NTRK3: variants seen among roughly 807,000 people sequenced by gnomAD.
The protein encoded by NTRK3 is neurotrophic receptor tyrosine kinase 3.
A neutral mutation model predicts 91.7 loss-of-function variants in NTRK3; 24 were observed. The observed-to-expected ratio is 0.26, with a 90% CI of 0.19 to 0.37. The LOEUF (loss-of-function observed/expected upper bound fraction) is 0.37, where lower values mean the gene tolerates loss of function less well. Ranked by LOEUF, NTRK3 falls within the 10% of genes least tolerant of loss-of-function variation. The pLI is 1.00. For missense variants in NTRK3, 880 were observed against 1,068.9 expected (o/e 0.82, Z 2.46); for synonymous variants, 483 against 404.0 (o/e 1.20, Z -2.34).
At chr15:88,086,077 G>C (rs975845579) in intron 13 of NTRK3, among the ~76,000 whole-genome samples, 28 of 152,210 alleles carry the variant, frequency 1.8e-4, no homozygotes, top group Non-Finnish European at 2.9e-4. Context: ...GACTTCATAG[G>C]TAGGAGAGGT....
intron 13 of NTRK3, among the ~76,000 whole-genome samples, chr15:88,114,663 C>G (rs908309782): frequency 1.3e-5 from 2 of 152,160 alleles, no homozygotes; most frequent in African/African-American, 4.8e-5. Context: ...GCAAAGGCAA[C>G]AGGGAAACAT....
intron 17 of NTRK3, chr15:87,928,602 C>A: frequency 6.1e-6 from 1 of 163,786 alleles, no homozygotes; most frequent in Non-Finnish European, 1.3e-5. Flanking sequence ...CCTGTCCTCT[C>A]TCCAAAGTTG....
intron 14 of NTRK3, among the ~76,000 whole-genome samples, chr15:88,001,271 C>A (rs546977840): frequency 6.6e-6 from 1 of 152,202 alleles, no homozygotes; most frequent in South Asian, 2.1e-4. Context: ...CAAATATTTT[C>A]TACCATTCAG....
chr15:88,246,768 C>G (rs993308577), intron 3 of NTRK3, among the ~76,000 whole-genome samples: 1 of 152,184 alleles, frequency 6.6e-6, no homozygotes, highest in Non-Finnish European at 1.5e-5. Context: ...AAGTCCGGGT[C>G]CTGGAGTCTC....
chr15:88,109,463 A>G (rs2051084110), intron 13 of NTRK3, among the ~76,000 whole-genome samples: 2 of 152,350 alleles, frequency 1.3e-5, no homozygotes, highest in Middle Eastern at 3.4e-3. Context: ...TAATTTTTGT[A>G]TCACAAGTCA....
At chr15:87,924,300 A>G (rs1191599945) in intron 17 of NTRK3, among the ~76,000 whole-genome samples, 3 of 152,056 alleles carry the variant, frequency 2.0e-5, no homozygotes, top group African/African-American at 7.2e-5. Flanking sequence ...CATAAAATCA[A>G]ATATTCTTCC....
chr15:88,097,936 C>T (rs563678774), intron 13 of NTRK3, among the ~76,000 whole-genome samples: 2 of 152,278 alleles, frequency 1.3e-5, no homozygotes, highest in East Asian at 1.9e-4. Context: ...TTTGCTACTT[C>T]GGTAACAGAG....
At chr15:87,916,729 G>A (rs2067474625) in intron 17 of NTRK3, among the ~76,000 whole-genome samples, 2 of 151,508 alleles carry the variant, frequency 1.3e-5, no homozygotes, top group Admixed American at 6.6e-5. Context: ...TACAAACAAT[G>A]CATAAAATAT....
intron 17 of NTRK3, among the ~76,000 whole-genome samples, chr15:87,912,542 A>G (rs1191317682): frequency 6.6e-6 from 1 of 152,088 alleles, no homozygotes; most frequent in Non-Finnish European, 1.5e-5. Context: ...AGAGAGGAGC[A>G]CTGAATTCAC....
intron 11 of NTRK3, among the ~76,000 whole-genome samples, chr15:88,128,332 C>T (rs913759399): frequency 1.3e-5 from 2 of 152,152 alleles, no homozygotes; most frequent in African/African-American, 2.4e-5. Context: ...AGGTGAGAAA[C>T]ACTAGCAGGT....
chr15:87,865,995 G>T, exon 19 of NTRK3: 1 of 231,626 alleles, frequency 4.3e-6, no homozygotes, highest in Non-Finnish European at 8.5e-6. Flanking sequence ...CACCCAGCAA[G>T]ACTGTATGCA....
chr15:87,899,950 C>T lies in NTRK3; in HGVS notation c.2134-19522G>A, dbSNP rs962212140. 5.3e-5 allele frequency among the ~76,000 whole-genome samples: 8 copies of T among 152,102 alleles called. No homozygotes were observed. The South Asian group carries it at 1.7e-3, about 32-fold the overall frequency. Reference sequence around the variant, plus strand: ...AAAGCTTTCTTGGGAGTTGAATGTACTCTTCATCCAATGGAAAATGGGATT... The same window carrying T: ...AAAGCTTTCTTGGGAGTTGAATGTATTCTTCATCCAATGGAAAATGGGATT... On this transcript the variant is annotated intron_variant, in intron 17 of 18. Coordinates refer to ENST00000394480, the Ensembl canonical transcript of NTRK3.
intron 5 of NTRK3, among the ~76,000 whole-genome samples, chr15:88,174,665 G>A (rs192973396): frequency 1.8e-3 from 268 of 152,344 alleles, no homozygotes; most frequent in African/African-American, 6.0e-3. Context: ...AAACAGCTGT[G>A]CACACCCCAT....
chr15:88,246,591 G>A (rs184433208), intron 3 of NTRK3, among the ~76,000 whole-genome samples: 2 of 152,214 alleles, frequency 1.3e-5, no homozygotes, highest in East Asian at 3.9e-4. Flanking sequence ...GGGTCTTCCT[G>A]GGCTACCTTC....
At chr15:88,201,731 G>A (rs1344127333) in intron 3 of NTRK3, among the ~76,000 whole-genome samples, 2 of 152,098 alleles carry the variant, frequency 1.3e-5, no homozygotes, top group African/African-American at 4.8e-5. Flanking sequence ...ATGTCTTGGG[G>A]TCCGAATACT....
intron 13 of NTRK3, among the ~76,000 whole-genome samples, chr15:88,087,203 G>A (rs534637889): frequency 5.3e-5 from 8 of 152,342 alleles, no homozygotes; most frequent in Admixed American, 2.0e-4. Flanking sequence ...AAACGCATGC[G>A]TGTGTGAAAG....
At chr15:87,911,180 A>T (rs2067069681) in intron 17 of NTRK3, among the ~76,000 whole-genome samples, 1 of 152,200 alleles carries the variant, frequency 6.6e-6, no homozygotes, top group Non-Finnish European at 1.5e-5. Context: ...TTGAGGTATG[A>T]GCGAAGTGGG....
At chr15:88,219,324 T>C (rs976180241) in intron 3 of NTRK3, among the ~76,000 whole-genome samples, 1 of 152,352 alleles carries the variant, frequency 6.6e-6, no homozygotes, top group African/African-American at 2.4e-5. Flanking sequence ...CTGGGCTGTC[T>C]ACTAGGAAAC....
At chr15:88,026,479 G>C (rs1202516406) in intron 14 of NTRK3, among the ~76,000 whole-genome samples, 1 of 152,002 alleles carries the variant, frequency 6.6e-6, no homozygotes, top group Non-Finnish European at 1.5e-5. Context: ...GGGATTGAAG[G>C]GTGTGAGGGG....
Sources: allele counts gnomAD v4.1 joint callset (sites outside exome capture counted in the v4.1 genomes callset), GRCh38; gene constraint gnomAD v4.1.1; transcripts MANE v1.5; gene names NCBI Gene and HGNC (gene_info 2026-07-23, HGNC 2026-07-21).